The following RAB38 variants were observed in gnomAD, a reference collection of about 807,000 sequenced individuals.
The protein encoded by RAB38 is RAB38, member RAS oncogene family.
In RAB38, 15 loss-of-function variants were observed where a neutral mutation model predicts 18.4. The observed-to-expected ratio is 0.82, with a 90% CI of 0.55 to 1.26. RAB38 has a LOEUF of 1.26. Among genes scored for constraint, RAB38 ranks in the 50% most tolerant of loss-of-function variants. RAB38 has a pLI of 0.00. For synonymous variants in RAB38, 101 were observed against 104.4 expected, an observed-to-expected ratio of 0.97 and a Z score of 0.20; for missense variants, 294 against 267.4, an observed-to-expected ratio of 1.10 and a Z score of -0.69.
the RAB38 span, among the ~76,000 whole-genome samples, chr11:87,899,290 T>C: frequency 6.6e-6 from 1 of 151,602 alleles, no homozygotes; most frequent in East Asian, 2.0e-4. Flanking sequence ...TGGAAGGAAA[T>C]GGCTTTCAAA....
At chr11:87,947,650 T>A in the RAB38 span, among the ~76,000 whole-genome samples, 2 of 152,236 alleles carry the variant, frequency 1.3e-5, no homozygotes, top group Non-Finnish European at 2.9e-5. Context: ...TAGGGAATCC[T>A]TTCCCCATTT....
chr11:87,841,070 T>C, the RAB38 span, among the ~76,000 whole-genome samples: 1 of 152,174 alleles, frequency 6.6e-6, no homozygotes, highest in African/African-American at 2.4e-5. Flanking sequence ...CAGTTGATTA[T>C]CTTTTTGTTG....
chr11:87,905,163 AC>A, the RAB38 span, among the ~76,000 whole-genome samples: 148 of 151,892 alleles, frequency 9.7e-4, no homozygotes, highest in African/African-American at 3.4e-3. Flanking sequence ...TGAAAAGCCA[AC>A]TGATGAATTT....
the RAB38 span, among the ~76,000 whole-genome samples, chr11:88,027,976 C>T: frequency 6.6e-6 from 1 of 152,186 alleles, no homozygotes; most frequent in Non-Finnish European, 1.5e-5. Context: ...GGGAGGCACC[C>T]CCCAGCAGGG....
At chr11:88,111,240 C>A (rs1176903045), downstream of RAB38, among the ~76,000 whole-genome samples, 1 of 152,156 alleles carries the variant, frequency 6.6e-6, no homozygotes, top group African/African-American at 2.4e-5. Flanking sequence ...ACTGCCCTTT[C>A]AGATATCACC....
the RAB38 span, among the ~76,000 whole-genome samples, chr11:87,854,435 A>G: frequency 1.4e-4 from 22 of 152,182 alleles, no homozygotes; most frequent in Admixed American, 1.3e-3. Context: ...TCTTTTCCTT[A>G]GAACAAACTT....
chr11:88,111,440 G>T (rs1376159276), downstream of RAB38, among the ~76,000 whole-genome samples: 3 of 152,178 alleles, frequency 2.0e-5, no homozygotes, highest in Non-Finnish European at 4.4e-5. Context: ...TCAGACAGCA[G>T]CTGAAGCTGT....
At chr11:88,125,163 A>G (rs190433077) in intron 2 of RAB38, among the ~76,000 whole-genome samples, 86 of 152,328 alleles carry the variant, frequency 5.6e-4, no homozygotes, top group African/African-American at 2.0e-3. Context: ...TTAAGATGTA[A>G]CTACATTCAT....
chr11:87,864,669 G>T, the RAB38 span, among the ~76,000 whole-genome samples: 1 of 151,750 alleles, frequency 6.6e-6, no homozygotes, highest in Non-Finnish European at 1.5e-5. Flanking sequence ...TAGCTAGTGA[G>T]TGTCAGACTA....
chr11:88,047,305 C>T, the RAB38 span, among the ~76,000 whole-genome samples: 3 of 152,170 alleles, frequency 2.0e-5, no homozygotes, highest in African/African-American at 7.2e-5. Context: ...TCTCTCTGAT[C>T]CACCTGACAT....
the RAB38 span, among the ~76,000 whole-genome samples, chr11:87,850,967 A>C: frequency 6.6e-6 from 1 of 152,182 alleles, no homozygotes; most frequent in African/African-American, 2.4e-5. Flanking sequence ...CATACACACA[A>C]AGACTGATTC....
chr11:87,821,645 T>G, the RAB38 span, among the ~76,000 whole-genome samples: 1 of 151,670 alleles, frequency 6.6e-6, no homozygotes, highest in Admixed American at 6.6e-5. Context: ...AGGTCAGGAG[T>G]TTGAGACCAG....
At chr11:88,127,950 C>G (rs1399534455) in intron 2 of RAB38, among the ~76,000 whole-genome samples, 1 of 152,182 alleles carries the variant, frequency 6.6e-6, no homozygotes, top group Non-Finnish European at 1.5e-5. Flanking sequence ...ATCTTGACAG[C>G]AGTTATCATA....
intron 2 of RAB38, among the ~76,000 whole-genome samples, chr11:88,124,282 G>A (rs191562450): frequency 5.8e-4 from 88 of 152,172 alleles, no homozygotes; most frequent in Non-Finnish European, 2.5e-4. Flanking sequence ...ATGGGATCTA[G>A]TTAAACTAAA....
intron 2 of RAB38, among the ~76,000 whole-genome samples, chr11:88,128,283 T>C (rs1055041807): frequency 6.6e-6 from 1 of 152,246 alleles, no homozygotes; most frequent in African/African-American, 2.4e-5. Flanking sequence ...TGAAGGTGAC[T>C]CCTGAGACTA....
At chr11:88,047,314 A>G in the RAB38 span, among the ~76,000 whole-genome samples, 1 of 152,044 alleles carries the variant, frequency 6.6e-6, no homozygotes, top group Non-Finnish European at 1.5e-5. Context: ...TCCACCTGAC[A>G]TTCCCTCCAT....
chr11:87,840,193 G>T, the RAB38 span, among the ~76,000 whole-genome samples: 1 of 152,298 alleles, frequency 6.6e-6, no homozygotes, highest in Non-Finnish European at 1.5e-5. Context: ...AGTTGGGAAG[G>T]TGTTGAAGTT....
At chr11:87,867,696 G>A in the RAB38 span, among the ~76,000 whole-genome samples, 3 of 151,692 alleles carry the variant, frequency 2.0e-5, no homozygotes, top group Non-Finnish European at 4.4e-5. Context: ...TTATGACTAT[G>A]AACACTTAAT....
the RAB38 span, chr11:88,098,006 T>C: frequency 1.3e-5 from 2 of 151,978 alleles, no homozygotes; most frequent in African/African-American, 4.8e-5. Context: ...CCTGTCCTTG[T>C]GATTTGATTT....
Sources: allele counts gnomAD v4.1 joint callset (sites outside exome capture counted in the v4.1 genomes callset), GRCh38; gene constraint gnomAD v4.1.1; transcripts MANE v1.5; gene names NCBI Gene and HGNC (gene_info 2026-07-23, HGNC 2026-07-21).